RBFOX2: variants seen among roughly 807,000 people sequenced by gnomAD.
RBFOX2 encodes the protein RNA binding protein fox-1 homolog 2.
Under a neutral mutation model 49.1 loss-of-function variants are expected in RBFOX2, and 10 were observed. The observed-to-expected ratio is 0.20, with a 90% CI of 0.13 to 0.35. The LOEUF (loss-of-function observed/expected upper bound fraction) is 0.35. RBFOX2 is among the 10% of genes least tolerant of loss of function. The probability of loss-of-function intolerance (pLI) is 1.00; values close to 1 mark genes in which losing one functional copy is unlikely to be tolerated. For missense variants in RBFOX2, 323 were observed against 486.9 expected (o/e 0.66, Z 3.17); for synonymous variants, 183 against 187.4 (o/e 0.98, Z 0.19).
At chr22:35,841,347 T>G (rs1958725442), upstream of RBFOX2, among the ~76,000 whole-genome samples, 1 of 152,154 alleles carries the variant, frequency 6.6e-6, no homozygotes, top group Admixed American at 6.5e-5. Flanking sequence ...ATACTGACAA[T>G]AAGAGTTTCT....
intron 1 of RBFOX2, among the ~76,000 whole-genome samples, chr22:35,895,403 G>A (rs1392547916): frequency 6.6e-6 from 1 of 152,096 alleles, no homozygotes; most frequent in Non-Finnish European, 1.5e-5. Context: ...CCCAATTGTG[G>A]AGCCCCTTGC....
Position 35,765,394 on chromosome 22 carries a change from A to G in RBFOX2, c.607+29T>C, listed in dbSNP as rs1171293256. 3.5e-6 allele frequency: 5 copies of G among 1,447,886 alleles called. No homozygotes were observed. The African/African-American group carries it at 7.2e-5, about 21-fold the overall frequency. 89.7% of individuals were successfully genotyped at this position (1,447,886 alleles called of 1,614,324 possible). Reference sequence around the variant, plus strand: ...ACTTCATATATTTACACAAGAATAAACACTCTTTCGAAGATTATAATTTCT... The same window carrying G: ...ACTTCATATATTTACACAAGAATAAGCACTCTTTCGAAGATTATAATTTCT... On this transcript the variant is annotated intron_variant, in intron 6 of 11. Transcript: ENST00000405409.
At chr22:35,895,285 T>C (rs2047705630) in intron 1 of RBFOX2, among the ~76,000 whole-genome samples, 1 of 152,220 alleles carries the variant, frequency 6.6e-6, no homozygotes, top group Non-Finnish European at 1.5e-5. Context: ...CACCAGTTTC[T>C]AGTGCTAGAT....
At chr22:35,792,791 A>G (rs1948019052) in intron 2 of RBFOX2, among the ~76,000 whole-genome samples, 1 of 152,136 alleles carries the variant, frequency 6.6e-6, no homozygotes, top group Non-Finnish European at 1.5e-5. Context: ...AAAACACTTT[A>G]AAATTTTCAG....
upstream of RBFOX2, among the ~76,000 whole-genome samples, chr22:35,962,493 T>G (rs866755923): frequency 6.6e-6 from 1 of 152,204 alleles, no homozygotes; most frequent in African/African-American, 2.4e-5. Context: ...GGCATTATTA[T>G]TAGTAAAATT....
chr22:35,938,213 G>A (rs6000040), intron 1 of RBFOX2, among the ~76,000 whole-genome samples: 4,425 of 152,204 alleles, frequency 0.029, 211 homozygotes, highest in African/African-American at 0.1. Context: ...CTGTTTCAAC[G>A]TCATGGGCTC....
chr22:35,780,238 T>C (rs1944835162), intron 3 of RBFOX2, among the ~76,000 whole-genome samples: 1 of 152,074 alleles, frequency 6.6e-6, no homozygotes, highest in South Asian at 2.1e-4. Context: ...CAGCTATAAA[T>C]GACAGAATTT....
chr22:35,749,403 T>C lies in RBFOX2; in HGVS notation c.888-2842A>G, dbSNP rs1366496609. ...CTTTAAAAGATGAACTATTTTAGGATAGATAGGCAATATCCTACTAAACTA... is the reference window on the plus strand; with the variant it reads ...CTTTAAAAGATGAACTATTTTAGGACAGATAGGCAATATCCTACTAAACTA... On this transcript the variant is annotated intron_variant, in intron 9 of 11. Coordinates refer to ENST00000405409, the Ensembl canonical transcript of RBFOX2. The surrounding 1 kb of genome is among the most constrained non-coding windows in gnomAD (Gnocchi z 4.1). Among the ~76,000 whole-genome samples the C allele has an allele frequency of 6.6e-6, 1 of 152,176 alleles. No individual in the cohort carries two copies. The highest frequency in any genetic ancestry group is 2.4e-5 in the African/African-American group (1 of 41,434).
At chr22:35,954,715 T>A (rs1367419813) in intron 1 of RBFOX2, among the ~76,000 whole-genome samples, 1 of 152,248 alleles carries the variant, frequency 6.6e-6, no homozygotes, top group Non-Finnish European at 1.5e-5. Flanking sequence ...GGGACGTTTA[T>A]GTGTCTGCAA....
chr22:35,916,037 C>T (rs1289465336), intron 1 of RBFOX2, among the ~76,000 whole-genome samples: 1 of 152,204 alleles, frequency 6.6e-6, no homozygotes, highest in African/African-American at 2.4e-5. Context: ...ACAGATGTCT[C>T]ATTTATAAAT....
At chr22:35,761,101 T>C in intron 8 of RBFOX2, 101 bp downstream of exon 9, 1 of 1,010,648 alleles carries the variant, frequency 9.9e-7, no homozygotes, top group Non-Finnish European at 1.5e-6. Flanking sequence ...CTCAAGAAAT[T>C]TCCATTTCAG....
chr22:36,024,952 C>G (rs1235863986), intron 1 of RBFOX2, among the ~76,000 whole-genome samples: 2 of 151,812 alleles, frequency 1.3e-5, no homozygotes, highest in African/African-American at 4.8e-5. Context: ...GGATTACAGG[C>G]GCCTGCCACC....
Position 35,801,134 on chromosome 22 carries a change from T to C in RBFOX2, c.252+8646A>G, listed in dbSNP as rs533560748. On this transcript the variant is annotated intron_variant, in intron 2 of 11. Coordinates refer to ENST00000405409, the Ensembl canonical transcript of RBFOX2. ...TAATATATCCCAAAGGGATATTTTATAAACCATAATAAAATATTGTTTGTG... is the reference window on the plus strand; with the variant it reads ...TAATATATCCCAAAGGGATATTTTACAAACCATAATAAAATATTGTTTGTG... 1.2e-4 allele frequency among the ~76,000 whole-genome samples: 18 copies of C among 152,328 alleles called. No homozygotes were observed. The South Asian group carries it at 2.5e-3, about 21-fold the overall frequency.
At chr22:35,739,506 A>G (rs1007143782) in exon 12 of RBFOX2, 4 of 152,670 alleles carry the variant, frequency 2.6e-5, no homozygotes, top group African/African-American at 9.7e-5. Context: ...GGATCAATTC[A>G]TCACTCAATA....
intron 1 of RBFOX2, among the ~76,000 whole-genome samples, chr22:35,960,805 G>C (rs1365377551): frequency 6.6e-6 from 1 of 152,116 alleles, no homozygotes; most frequent in African/African-American, 2.4e-5. Context: ...AAAAAATTCA[G>C]TGTTAGGTAT....
At chr22:35,761,352 T>TG (rs1237282041) in intron 7 of RBFOX2, 58 bp from the exon 9 acceptor site, 9 of 1,612,348 alleles carry the variant, frequency 5.6e-6, no homozygotes, top group African/African-American at 5.3e-5. Context: ...AGTCACAAAT[T>TG]GAAAAACAGC....
intron 3 of RBFOX2, among the ~76,000 whole-genome samples, chr22:35,779,046 C>T (rs1252477820): frequency 6.6e-6 from 1 of 152,118 alleles, no homozygotes; most frequent in African/African-American, 2.4e-5. Context: ...TTTAAATAAC[C>T]ACTCTCTTTG....
exon 1 of RBFOX2, chr22:35,840,413 C>A (rs571212159): frequency 2.7e-6 from 4 of 1,480,564 alleles, no homozygotes; most frequent in Admixed American, 2.5e-5. Context: ...GGCAGTCTCT[C>A]CCCCTCCTTC....
intron 1 of RBFOX2, among the ~76,000 whole-genome samples, chr22:35,958,087 T>C (rs978548125): frequency 1.3e-5 from 2 of 152,186 alleles, no homozygotes; most frequent in African/African-American, 4.8e-5. Context: ...TAAATTTAAA[T>C]TAACAATTCT....
Sources: gnomAD v4.1 joint callset for allele counts (sites outside exome capture counted in the v4.1 genomes callset) on GRCh38, gnomAD v4.1.1 for gene constraint, Gnocchi (gnomAD v3.1) non-coding constraint, MANE v1.5 for transcripts, NCBI Gene and HGNC (gene_info 2026-07-23, HGNC 2026-07-21) for gene names.